The following WDFY4 variants were observed in gnomAD, a reference collection of about 807,000 sequenced individuals.
The protein encoded by WDFY4 is WDFY family member 4.
WDFY4 carries 169 observed loss-of-function variants against 351.9 expected under a neutral mutation model. The observed-to-expected ratio is 0.48, with a 90% CI of 0.42 to 0.55. The LOEUF (loss-of-function observed/expected upper bound fraction) is 0.55, where lower values mean the gene tolerates loss of function less well. WDFY4 is among the 20% of genes least tolerant of loss of function. The pLI, the probability that WDFY4 is intolerant of heterozygous loss-of-function variation, is 0.00. For missense variants in WDFY4, 3,803 were observed against 3,935.6 expected, an observed-to-expected ratio of 0.97 and a Z score of 0.90; for synonymous variants, 1,622 against 1,574.6, an observed-to-expected ratio of 1.03 and a Z score of -0.71.
chr10:48,814,899 C>T (rs1212934075), intron 31 of WDFY4, among the ~76,000 whole-genome samples: 1 of 152,156 alleles, frequency 6.6e-6, no homozygotes, highest in African/African-American at 2.4e-5. Context: ...CACATGTACC[C>T]CTTTTGCCTT....
chr10:48,731,645 A>G (rs2132340383), intron 9 of WDFY4, 83 bp downstream of exon 9: 3 of 1,423,344 alleles, frequency 2.1e-6, no homozygotes, highest in East Asian at 2.5e-5. Flanking sequence ...CTGCCCATCA[A>G]ATGCAACAGA....
At chr10:48,972,847 T>C (rs1180639467) in intron 57 of WDFY4, among the ~76,000 whole-genome samples, 1 of 152,232 alleles carries the variant, frequency 6.6e-6, no homozygotes. Context: ...GGTTTTCTTT[T>C]TGCTATCGTT....
intron 47 of WDFY4, among the ~76,000 whole-genome samples, chr10:48,939,037 T>C (rs2663017): frequency 0.93 from 141,982 of 152,254 alleles, 66,484 homozygotes; most frequent in East Asian, 1. Flanking sequence ...CAGTCTTGTC[T>C]TGTAGCTCAA....
intron 60 of WDFY4, among the ~76,000 whole-genome samples, chr10:48,980,526 G>C (rs1235698925): frequency 6.6e-6 from 1 of 152,218 alleles, no homozygotes; most frequent in Non-Finnish European, 1.5e-5. Context: ...ACCCAGCTGA[G>C]TACAATTTAT....
intron 24 of WDFY4, among the ~76,000 whole-genome samples, chr10:48,801,973 C>T (rs2663037): frequency 0.34 from 51,253 of 151,698 alleles, 10,278 homozygotes; most frequent in East Asian, 0.7. Context: ...GAATGGGCTT[C>T]GTAGTCAGGT....
At chr10:48,853,163 C>G (rs1480963307) in intron 39 of WDFY4, among the ~76,000 whole-genome samples, 1 of 152,124 alleles carries the variant, frequency 6.6e-6, no homozygotes, top group Non-Finnish European at 1.5e-5. Context: ...CTCCAGTTTT[C>G]TGACCTTGTC....
rs181460277 is a variant in WDFY4 at position 48,967,662 on chromosome 10, G to A, written c.8584+989G>A. 630 of 152,404 alleles carry A rather than the reference G, an allele frequency of 4.1e-3. 5 individuals carry two copies. The highest frequency in any genetic ancestry group is 6.8e-3 in the Non-Finnish European group (465 of 68,102). The allele number at this position is 152,404 out of a possible 1,614,324, so 9.4% of individuals were successfully genotyped here. A position where few individuals can be genotyped will look rare whatever the true frequency, so the allele number is the denominator to read the frequency against. On this transcript the variant is annotated intron_variant, in intron 55 of 61. Transcript: ENST00000325239. ...GGTGGGGGTGGTCCCAACCAGCCCA[G>A]GAGGGAGGATCTCCCAGATGGAAGC...
intron 13 of WDFY4, among the ~76,000 whole-genome samples, chr10:48,769,647 AG>A (rs1441966442): frequency 6.6e-6 from 1 of 152,184 alleles, no homozygotes; most frequent in Non-Finnish European, 1.5e-5. Context: ...CATATGCAGA[AG>A]ACGCACATAT....
At chr10:48,883,608 G>A (rs1280623493) in intron 43 of WDFY4, among the ~76,000 whole-genome samples, 1 of 152,150 alleles carries the variant, frequency 6.6e-6, no homozygotes, top group Non-Finnish European at 1.5e-5. Context: ...CTACAACAGA[G>A]TCCCCACTCC....
rs2064558820 is a variant in WDFY4, at chr10:48,733,989, G to T, written c.1641G>T (p.Met547Ile). 1 of 1,551,838 alleles carries T rather than the reference G, an allele frequency of 6.4e-7. No homozygotes were observed. Among genetic ancestry groups the T allele is most frequent in the Non-Finnish European group, 8.7e-7 (1 of 1,147,070 alleles). ...QDPERELTCV[M>I]LRIVVTLLKG... is the part of the protein sequence containing the mutation. Reference sequence around the variant, plus strand: ...CAGAAAGAGAACTCACCTGTGTGATGCTGAGGATTGTAGTCACACTTCTGA... The same window carrying T: ...CAGAAAGAGAACTCACCTGTGTGATTCTGAGGATTGTAGTCACACTTCTGA... The change falls in exon 10 of 62, where the codon ATG becomes ATT. Residue 547 changes from methionine (M) to isoleucine (I), a missense_variant. Met to Ile is a conservative substitution (Grantham distance 10). Transcript: ENST00000325239.
rs776447555 is a variant in WDFY4 at position 48,873,656 on chromosome 10, C to T, written c.6907C>T (p.Arg2303Cys). The part of the protein sequence containing the change: ...GPARMRKRIK[R>C]LSPLEALSSG... ...AGCTCGAATGAGGAAACGCATCAAACGCTTGTCTCCTTTGGAGGCCCTGAG... is the reference window on the plus strand; with the variant it reads ...AGCTCGAATGAGGAAACGCATCAAATGCTTGTCTCCTTTGGAGGCCCTGAG... The change falls in exon 41 of 62, where the codon CGC becomes TGC. Residue 2303 changes from arginine (R) to cysteine (C), a missense_variant. By Grantham distance (180) the Arg-to-Cys change is radical. Transcript: ENST00000325239. 37 of 1,551,720 alleles carry T rather than the reference C, an allele frequency of 2.4e-5. No individual in the cohort carries two copies. Among genetic ancestry groups the T allele is most frequent in the Middle Eastern group, 1.7e-4 (1 of 6,016 alleles).
intron 7 of WDFY4, among the ~76,000 whole-genome samples, chr10:48,728,592 C>A (rs920081146): frequency 6.6e-6 from 1 of 152,202 alleles, no homozygotes; most frequent in African/African-American, 2.4e-5. Context: ...GACAAGGGGG[C>A]CAAAGTCCTT....
At chr10:48,938,747 A>G (rs1840566108) in intron 47 of WDFY4, among the ~76,000 whole-genome samples, 1 of 152,202 alleles carries the variant, frequency 6.6e-6, no homozygotes, top group Non-Finnish European at 1.5e-5. Flanking sequence ...TTGGTTAAAA[A>G]TGAAGCAGGA....
chr10:48,881,617 A>G (rs2070252625), intron 43 of WDFY4, among the ~76,000 whole-genome samples: 1 of 152,244 alleles, frequency 6.6e-6, no homozygotes, highest in South Asian at 2.1e-4. Context: ...AGGGAAGAAC[A>G]TAAGAAAGCA....
intron 1 of WDFY4, among the ~76,000 whole-genome samples, chr10:48,701,099 A>T (rs929422207): frequency 3.9e-5 from 6 of 152,110 alleles, no homozygotes; most frequent in African/African-American, 1.4e-4. Flanking sequence ...CCCTCTCCCC[A>T]GTCTCTGGGA....
At chr10:48,831,992 AT>A (rs1176267533) in intron 38 of WDFY4, among the ~76,000 whole-genome samples, 1 of 152,228 alleles carries the variant, frequency 6.6e-6, no homozygotes, top group Non-Finnish European at 1.5e-5. Context: ...TTCAACATGA[AT>A]TTTGGAGGGA....
intron 1 of WDFY4, among the ~76,000 whole-genome samples, chr10:48,695,958 G>C (rs372976685): frequency 6.6e-6 from 1 of 152,320 alleles, no homozygotes; most frequent in East Asian, 1.9e-4. Flanking sequence ...CAGGAGCCCA[G>C]TGAGGACTGG....
intron 44 of WDFY4, among the ~76,000 whole-genome samples, chr10:48,896,174 C>T (rs1429589688): frequency 6.6e-6 from 1 of 152,204 alleles, no homozygotes; most frequent in Non-Finnish European, 1.5e-5. Context: ...AGGCCTGTGC[C>T]TTTGTATGGT....
intron 1 of WDFY4, among the ~76,000 whole-genome samples, chr10:48,696,371 C>A (rs1473329508): frequency 1.2e-4 from 19 of 152,244 alleles, no homozygotes; most frequent in African/African-American, 4.1e-4. Context: ...TGCAAGGCTG[C>A]CCCTGACTCC....
Sources: allele counts gnomAD v4.1 joint callset (sites outside exome capture counted in the v4.1 genomes callset), GRCh38; gene constraint gnomAD v4.1.1; transcripts MANE v1.5; gene names NCBI Gene and HGNC (gene_info 2026-07-23, HGNC 2026-07-21).